Variants in FAM135A observed in about 807,000 individuals in gnomAD.
FAM135A encodes the protein family with sequence similarity 135 member A.
In FAM135A, 79 loss-of-function variants were observed where a neutral mutation model predicts 146.8. That is an observed-to-expected ratio of 0.54 (90% CI 0.45 to 0.65). The LOEUF is 0.65. Among genes scored for constraint, FAM135A ranks in the 30% least tolerant of loss-of-function variants. FAM135A has a pLI of 0.00. For synonymous variants in FAM135A, 562 were observed against 603.6 expected (o/e 0.93, Z 1.01); for missense variants, 1,623 against 1,758.2 (o/e 0.92, Z 1.38).
intron 2 of FAM135A, among the ~76,000 whole-genome samples, chr6:70,422,736 A>G (rs1297364243): frequency 6.6e-6 from 1 of 152,224 alleles, no homozygotes; most frequent in Non-Finnish European, 1.5e-5. Flanking sequence ...TTTCAATTGA[A>G]GACAAGTAAT....
intron 12 of FAM135A, among the ~76,000 whole-genome samples, chr6:70,513,072 A>G (rs920257291): frequency 2.0e-5 from 3 of 151,820 alleles, no homozygotes; most frequent in African/African-American, 4.8e-5. Context: ...TTTGTTGAAA[A>G]TCAATTGACT....
intron 2 of FAM135A, among the ~76,000 whole-genome samples, chr6:70,423,889 C>T (rs976800434): frequency 2.0e-5 from 3 of 152,210 alleles, no homozygotes; most frequent in African/African-American, 7.2e-5. Context: ...ATCTGCAAGT[C>T]CAGTGACCTA....
intron 5 of FAM135A, among the ~76,000 whole-genome samples, chr6:70,474,258 G>GTTTCTT (rs149657089): frequency 5.3e-5 from 8 of 152,130 alleles, no homozygotes; most frequent in Admixed American, 1.3e-4. Flanking sequence ...TTGATCTCTA[G>GTTTCTT]TTTCTTTTTC....
chr6:70,500,315 T>C (rs1788201746), intron 11 of FAM135A, among the ~76,000 whole-genome samples: 3 of 152,340 alleles, frequency 2.0e-5, no homozygotes, highest in African/African-American at 7.2e-5. Flanking sequence ...TCTCGTGTTG[T>C]TTTTTCAACT....
At chr6:70,488,228 A>G (rs1370381782) in intron 10 of FAM135A, among the ~76,000 whole-genome samples, 2 of 152,162 alleles carry the variant, frequency 1.3e-5, no homozygotes, top group East Asian at 3.8e-4. Context: ...AGAATATATC[A>G]TGATGCACCC....
In FAM135A at chr6:70,533,793, C is replaced by T. The variant is rs774825472; in HGVS notation, c.3904C>T (p.Arg1302Cys). ...TFADFDSMTD[R>C]LLDEIIQYIQ... ...TGCTGATTTTGATAGCATGACTGAT[C>T]GTCTTTTGGATGAGATAATACAGTA... is the stretch of plus-strand genomic sequence containing the variant. Residue 1302 changes from arginine to cysteine, a missense_variant, in exon 18 of 22, where the codon CGT becomes TGT. Physicochemically the swap from Arg to Cys is radical, Grantham distance 180. Coordinates refer to ENST00000418814, the MANE Select transcript of FAM135A (RefSeq NM_001162529.3). 8 of 1,585,206 alleles carry T rather than the reference C, an allele frequency of 5.0e-6. No individual in the cohort carries two copies. In the African/African-American group the frequency reaches 8.2e-5, roughly 16 times the overall value.
chr6:70,451,241 A>G lies in FAM135A; in HGVS notation c.78-1251A>G, dbSNP rs568122946. On this transcript the variant is annotated intron_variant, in intron 4 of 21. Coordinates refer to ENST00000418814, the MANE Select transcript of FAM135A (RefSeq NM_001162529.3). Reference sequence around the variant, plus strand: ...AAACCAAGGATTGTGAATGTACGCTATGAATAAGACATGGTCTCTATGCGG... The same window carrying G: ...AAACCAAGGATTGTGAATGTACGCTGTGAATAAGACATGGTCTCTATGCGG... 5.3e-5 allele frequency among the ~76,000 whole-genome samples: 8 copies of G among 152,360 alleles called. 1 individual carries two copies. In the South Asian group the frequency reaches 1.7e-3, roughly 32 times the overall value.
chr6:70,459,880 A>T (rs1437842883), intron 5 of FAM135A, among the ~76,000 whole-genome samples: 7 of 152,098 alleles, frequency 4.6e-5, no homozygotes, highest in Non-Finnish European at 8.8e-5. Flanking sequence ...ATGCAAAAAA[A>T]ATTAGCCAGG....
chr6:70,544,545 G>T (rs1440591068), intron 20 of FAM135A, among the ~76,000 whole-genome samples: 2 of 151,564 alleles, frequency 1.3e-5, no homozygotes, highest in East Asian at 3.9e-4. Flanking sequence ...AAGAAGACCA[G>T]CCTGGGCAAC....
At chr6:70,518,220 A>G (rs965161292) in intron 12 of FAM135A, among the ~76,000 whole-genome samples, 13 of 152,356 alleles carry the variant, frequency 8.5e-5, no homozygotes, top group Non-Finnish European at 1.3e-4. Flanking sequence ...TCTGGATAGA[A>G]GATCAAACCA....
At chr6:70,431,157 A>G (rs9294870) in intron 4 of FAM135A, among the ~76,000 whole-genome samples, 3,832 of 152,202 alleles carry the variant, frequency 0.025, 167 homozygotes, top group African/African-American at 0.088. Context: ...TATGGCACAC[A>G]CCACTTCTAG....
chr6:70,524,909 T>C lies in FAM135A; in HGVS notation c.1825T>C (p.Cys609Arg), dbSNP rs1794356998. ...DPLNSGNLNL[C>R]ANLSISGKLD... Reference sequence around the variant, plus strand: ...TTTGAACTCTGGCAACCTAAATCTTTGTGCAAATTTGTCCATTTCAGGTAA... The same window carrying C: ...TTTGAACTCTGGCAACCTAAATCTTCGTGCAAATTTGTCCATTTCAGGTAA... The change falls in exon 15 of 22, where the codon TGT (cysteine) becomes CGT (arginine). Residue 609 changes from cysteine to arginine, a missense_variant. Cys to Arg is a radical substitution (Grantham distance 180). Coordinates refer to ENST00000418814, the MANE Select transcript of FAM135A (RefSeq NM_001162529.3). 6.2e-7 allele frequency: 1 copy of C among 1,612,166 alleles called. No homozygotes were observed. Among genetic ancestry groups the C allele is most frequent in the African/African-American group, 1.3e-5 (1 of 74,786 alleles).
intron 8 of FAM135A, among the ~76,000 whole-genome samples, chr6:70,479,724 TTTTAATTTATAACA>T (rs201953397): frequency 6.6e-6 from 1 of 152,150 alleles, no homozygotes; most frequent in East Asian, 1.9e-4. Context: ...ATTGAAAAAT[TTTTAATTTATAACA>T]TTATCTTTTA....
intron 19 of FAM135A, among the ~76,000 whole-genome samples, chr6:70,536,974 T>C (rs1004208958): frequency 6.6e-6 from 1 of 150,396 alleles, no homozygotes; most frequent in African/African-American, 2.5e-5. Context: ...TCTCACTCTG[T>C]CACCAGGCTG....
chr6:70,512,278 A>G (rs1415611613), intron 12 of FAM135A, among the ~76,000 whole-genome samples: 2 of 151,896 alleles, frequency 1.3e-5, no homozygotes, highest in African/African-American at 4.8e-5. Flanking sequence ...ATCAGAATTC[A>G]TTTATCTGTT....
Position 70,491,055 on chromosome 6 carries a change from G to A in FAM135A, c.845G>A (p.Arg282Gln), listed in dbSNP as rs140710265. Residue 282 changes from arginine (R) to glutamine (Q), a missense_variant, in exon 11 of 22, where the codon CGA becomes CAA. This residue lies in a region of FAM135A where 206 missense variants were observed against 194.7 expected (regional missense o/e 1.06). Coordinates refer to ENST00000418814, the MANE Select transcript of FAM135A (RefSeq NM_001162529.3). ...CCAGAGGAAATGGATGTAGAAGCTCGACTTACTGAACTATGTGAAGAAGTT... is the reference window on the plus strand; with the variant it reads ...CCAGAGGAAATGGATGTAGAAGCTCAACTTACTGAACTATGTGAAGAAGTT... Reference protein sequence around the residue: ...LELEEMDVEARLTELCEEVKK... With the variant: ...LELEEMDVEAQLTELCEEVKK... The A allele has an allele frequency of 4.3e-5, 68 of 1,599,544 alleles. No homozygotes were observed. The highest frequency in any genetic ancestry group is 8.1e-5 in the African/African-American group (6 of 74,250).
rs751367994 is a variant in FAM135A at position 70,486,125 on chromosome 6, A to G, written c.823+3971A>G. 12 of 1,556,518 alleles carry G rather than the reference A, an allele frequency of 7.7e-6. No homozygotes were observed. The South Asian group carries it at 9.3e-5, about 12-fold the overall frequency. The stretch of plus-strand genomic sequence containing the variant: ...AAATTCTAGTAAGTTTTGTTGTGAA[A>G]GGAGTATAGTAACTAGTGCTGTGTG... On this transcript the variant is annotated intron_variant, in intron 10 of 21. Transcript: ENST00000418814.
intron 4 of FAM135A, among the ~76,000 whole-genome samples, chr6:70,434,368 T>A (rs989363961): frequency 6.6e-6 from 1 of 152,218 alleles, no homozygotes; most frequent in Admixed American, 6.5e-5. Context: ...ATTGTTGAAG[T>A]ATCTTTTTCT....
intron 10 of FAM135A, chr6:70,486,132 T>TG (rs1313718400): frequency 6.3e-7 from 1 of 1,587,286 alleles, no homozygotes; most frequent in Non-Finnish European, 8.6e-7. Flanking sequence ...GAAAGGAGTA[T>TG]AGTAACTAGT....
Sources: gnomAD v4.1 joint callset for allele counts (sites outside exome capture counted in the v4.1 genomes callset) on GRCh38, gnomAD v4.1.1 for gene constraint, gnomAD v4.1.1 regional missense constraint, MANE v1.5 for transcripts, NCBI Gene and HGNC (gene_info 2026-07-23, HGNC 2026-07-21) for gene names.